Variants in BRSK2 observed in about 807,000 individuals in gnomAD.
The protein encoded by BRSK2 is serine/threonine-protein kinase BRSK2.
In BRSK2, 19 loss-of-function variants were observed where a neutral mutation model predicts 83.3. That is an observed-to-expected ratio of 0.23 (90% CI 0.16 to 0.33). The LOEUF is 0.33. Among genes scored for constraint, BRSK2 ranks in the 10% least tolerant of loss-of-function variants. BRSK2 has a pLI of 1.00. For missense variants in BRSK2, 798 were observed against 1,042.3 expected, an observed-to-expected ratio of 0.77 and a Z score of 3.23; for synonymous variants, 519 against 435.4, an observed-to-expected ratio of 1.19 and a Z score of -2.39.
chr11:1,452,307 TG>T (rs1016313009), intron 15 of BRSK2, among the ~76,000 whole-genome samples: 1 of 152,192 alleles, frequency 6.6e-6, no homozygotes, highest in Admixed American at 6.5e-5. Flanking sequence ...GCCGATCAGG[TG>T]GCCCTTCCAG....
chr11:1,459,190 A>G lies in BRSK2; in HGVS notation c.1940-2A>G, dbSNP rs1409322742. 6.2e-7 allele frequency: 1 copy of G among 1,613,580 alleles called. No homozygotes were observed. Among genetic ancestry groups the G allele is most frequent in the African/African-American group, 1.3e-5 (1 of 74,876 alleles). On this transcript the variant is annotated splice_acceptor_variant, in intron 18 of 19. Coordinates refer to ENST00000528841, the MANE Select transcript of BRSK2 (RefSeq NM_001256627.2). LOFTEE classifies it high-confidence loss of function. ...CCCTCCTCTCTCCATTCTGTACTCC[A>G]GACACCACTAACTGTATGGAAATGA... is the stretch of plus-strand genomic sequence containing the variant.
intron 1 of BRSK2, among the ~76,000 whole-genome samples, chr11:1,399,031 AG>A (rs1372170673): frequency 3.3e-5 from 5 of 152,134 alleles, no homozygotes; most frequent in Non-Finnish European, 5.9e-5. Flanking sequence ...CAGGGTTTGC[AG>A]GGGGGCTGCG....
intron 1 of BRSK2, among the ~76,000 whole-genome samples, chr11:1,406,358 G>A (rs1846876086): frequency 6.6e-6 from 1 of 152,230 alleles, no homozygotes; most frequent in African/African-American, 2.4e-5. Context: ...TGTAGTTCCA[G>A]CTACTGGGGA....
intron 2 of BRSK2, among the ~76,000 whole-genome samples, chr11:1,437,757 C>A (rs1336508499): frequency 6.6e-6 from 1 of 152,236 alleles, no homozygotes; most frequent in African/African-American, 2.4e-5. Flanking sequence ...CACAGCCTGC[C>A]TGGAAGGGCC....
intron 13 of BRSK2, among the ~76,000 whole-genome samples, chr11:1,450,321 C>T (rs543229736): frequency 7.9e-5 from 12 of 152,194 alleles, no homozygotes; most frequent in South Asian, 2.1e-4. Flanking sequence ...GGGAGCGCCT[C>T]GAGGCCTGGA....
At chr11:1,402,893 T>TCTGCTTGGAGGTTTGTTGACCCTAAACCC in intron 1 of BRSK2, among the ~76,000 whole-genome samples, 1 of 152,142 alleles carries the variant, frequency 6.6e-6, no homozygotes, top group Middle Eastern at 3.4e-3. Flanking sequence ...AGGGCTCGGA[T>TCTGCTTGGAGGTTTGTTGACCCTAAACCC]CTGCTTGGAG....
At chr11:1,404,007 C>A (rs7926304) in intron 1 of BRSK2, among the ~76,000 whole-genome samples, 1 of 152,026 alleles carries the variant, frequency 6.6e-6, no homozygotes, top group South Asian at 2.1e-4. Flanking sequence ...TGGAGTTGTA[C>A]CCAAGCCCCT....
At chr11:1,433,966 CCA>C (rs1469813994) in intron 1 of BRSK2, among the ~76,000 whole-genome samples, 1 of 152,216 alleles carries the variant, frequency 6.6e-6, no homozygotes, top group Non-Finnish European at 1.5e-5. Flanking sequence ...AGGCGTGACG[CCA>C]CACAGATGAA....
intron 1 of BRSK2, chr11:1,410,464 C>G (rs1454008336): frequency 1.1e-5 from 11 of 985,420 alleles, no homozygotes; most frequent in African/African-American, 1.7e-5. Flanking sequence ...CGTGAAAGCA[C>G]CCAGCGTAGT....
Position 1,455,032 on chromosome 11 carries a change from C to A in BRSK2, c.1668+424C>A, listed in dbSNP as rs370512015. On this transcript the variant is annotated intron_variant, in intron 16 of 19. Coordinates refer to ENST00000528841, the MANE Select transcript of BRSK2 (RefSeq NM_001256627.2). ...GGCTCTGCTGGCCCTCAGTGGACAG[C>A]CCCAGCCCTCAGGTGTCTCAGTTTC... 1.8e-4 allele frequency among the ~76,000 whole-genome samples: 28 copies of A among 152,240 alleles called. No homozygotes were observed. The East Asian group carries it at 3.7e-3, about 20-fold the overall frequency.
chr11:1,396,637 G>GC (rs1221678546), intron 1 of BRSK2, among the ~76,000 whole-genome samples: 1 of 152,246 alleles, frequency 6.6e-6, no homozygotes, highest in Non-Finnish European at 1.5e-5. Flanking sequence ...GGTGGCGCTT[G>GC]CTTGAGGGCT....
chr11:1,455,020 C>T (rs1425751134), intron 16 of BRSK2, among the ~76,000 whole-genome samples: 1 of 152,154 alleles, frequency 6.6e-6, no homozygotes, highest in African/African-American at 2.4e-5. Flanking sequence ...TCTGCTGGCC[C>T]TCAGTGGACA....
intron 1 of BRSK2, among the ~76,000 whole-genome samples, chr11:1,404,378 G>A (rs1057147501): frequency 2.1e-4 from 32 of 152,234 alleles, no homozygotes; most frequent in African/African-American, 7.2e-4. Context: ...GGAGGCCATC[G>A]TCCCAGCCAG....
At position 1,460,588 on chromosome 11, in the gene BRSK2, C is replaced by T. The variant is rs1388966463; in HGVS notation, c.2076C>T (p.Pro692=). Residue 692 remains proline (P), a synonymous_variant, in exon 20 of 20, where the codon CCC becomes CCT. Coordinates refer to ENST00000528841, the MANE Select transcript of BRSK2 (RefSeq NM_001256627.2). Reference sequence around the variant, plus strand: ...AGGCGGCCCAGGCCCCCAGCACGCCCGCCAAGCGGAGTGCCCACGGCCCAC... The same window carrying T: ...AGGCGGCCCAGGCCCCCAGCACGCCTGCCAAGCGGAGTGCCCACGGCCCAC... ...NGQAAQAPST[P]AKRSAHGPLG... The T allele has an allele frequency of 9.1e-6, 14 of 1,533,160 alleles. No individual in the cohort carries two copies. Among genetic ancestry groups the T allele is most frequent in the East Asian group, 4.9e-5 (2 of 40,892 alleles). 95.0% of individuals were successfully genotyped at this position (1,533,160 alleles called of 1,614,324 possible).
At chr11:1,391,300 G>C (rs903779608) in intron 1 of BRSK2, among the ~76,000 whole-genome samples, 1 of 152,130 alleles carries the variant, frequency 6.6e-6, no homozygotes, top group South Asian at 2.1e-4. Flanking sequence ...GAGGTCCCAC[G>C]GCACTGCCTC....
intron 15 of BRSK2, 34 bp downstream of exon 15, chr11:1,451,453 T>G: frequency 6.2e-7 from 1 of 1,604,532 alleles, no homozygotes; most frequent in Non-Finnish European, 8.5e-7. Context: ...TCCTGGTACC[T>G]GACACCAGGC....
intron 19 of BRSK2, 26 bp from the exon 20 acceptor site, chr11:1,460,460 CCTTTTTTTTTTTTT>C: frequency 4.5e-6 from 5 of 1,121,194 alleles, no homozygotes; most frequent in Non-Finnish European, 5.6e-6. Context: ...TTTCTTTTTT[CCTTTTTTTTTTTTT>C]TTTTGTCTCT....
intron 3 of BRSK2, among the ~76,000 whole-genome samples, chr11:1,440,260 C>A (rs771755174): frequency 6.6e-6 from 1 of 152,170 alleles, no homozygotes; most frequent in African/African-American, 2.4e-5. Context: ...AGGGGAGGGC[C>A]AGGCCAACCT....
intron 1 of BRSK2, among the ~76,000 whole-genome samples, chr11:1,408,824 T>C (rs1275797182): frequency 1.3e-5 from 2 of 150,858 alleles, no homozygotes; most frequent in African/African-American, 4.9e-5. Flanking sequence ...TGTGTGTGTG[T>C]GTGTGTGTGT....
Sources: allele counts gnomAD v4.1 joint callset (sites outside exome capture counted in the v4.1 genomes callset), GRCh38; gene constraint gnomAD v4.1.1; transcripts MANE v1.5; gene names NCBI Gene and HGNC (gene_info 2026-07-23, HGNC 2026-07-21).